The following CSMD1 variants were observed in gnomAD, a reference collection of about 807,000 sequenced individuals.
CSMD1 encodes CUB and Sushi multiple domains 1.
In CSMD1, 213 loss-of-function variants were observed where a neutral mutation model predicts 417.5. That is an observed-to-expected ratio of 0.51 (90% CI 0.46 to 0.57). The LOEUF (loss-of-function observed/expected upper bound fraction) is 0.57. CSMD1 is among the 20% of genes least tolerant of loss of function. The pLI is 0.00. For synonymous variants in CSMD1, 2,862 were observed against 1,736.8 expected (o/e 1.65, Z -16.11); for missense variants, 6,923 against 4,529.7 (o/e 1.53, Z -15.17).
intron 5 of CSMD1, among the ~76,000 whole-genome samples, chr8:3,784,229 A>T (rs1323685200): frequency 6.6e-6 from 1 of 152,212 alleles, no homozygotes; most frequent in African/African-American, 2.4e-5. Context: ...ATTATTTTTT[A>T]AAAGGATGTG....
chr8:3,514,472 C>G (rs1005299536), intron 10 of CSMD1, among the ~76,000 whole-genome samples: 2 of 152,108 alleles, frequency 1.3e-5, no homozygotes, highest in African/African-American at 4.8e-5. Flanking sequence ...ACTGAAGAAC[C>G]CAGGCTTCAA....
chr8:3,361,672 A>AC (rs898975721), intron 20 of CSMD1, among the ~76,000 whole-genome samples: 4 of 144,062 alleles, frequency 2.8e-5, no homozygotes, highest in Admixed American at 1.4e-4. Context: ...AAAAAAAAAA[A>AC]CAAACAAAAA....
intron 2 of CSMD1, among the ~76,000 whole-genome samples, chr8:4,465,024 A>C (rs1316907859): frequency 6.6e-6 from 1 of 152,148 alleles, no homozygotes; most frequent in Admixed American, 6.5e-5. Context: ...AAAGGAAGAA[A>C]ATAGGAAAAA....
At position 4,366,924 on chromosome 8, in the gene CSMD1, C is replaced by T. The variant is rs1584964560; in HGVS notation, c.415+53029G>A. Among the ~76,000 whole-genome samples, 3 of 152,042 alleles carry T rather than the reference C, an allele frequency of 2.0e-5. No individual in the cohort carries two copies. In the East Asian group the frequency reaches 5.8e-4, roughly 29 times the overall value. ...TTTCGTTTGCTGATTTGTCTAAGTT[C>T]CCTACAGATTCTTGATATTACACCT... On this transcript the variant is annotated intron_variant, in intron 3 of 69. Coordinates refer to ENST00000635120, the MANE Select transcript of CSMD1 (RefSeq NM_033225.6).
chr8:4,331,393 A>C (rs1178542080), intron 3 of CSMD1, among the ~76,000 whole-genome samples: 1 of 152,112 alleles, frequency 6.6e-6, no homozygotes, highest in Non-Finnish European at 1.5e-5. Context: ...AGGTGTCTAC[A>C]GTTTTTCATG....
At chr8:4,708,771 T>C (rs956935714) in intron 1 of CSMD1, among the ~76,000 whole-genome samples, 6 of 152,146 alleles carry the variant, frequency 3.9e-5, no homozygotes, top group Non-Finnish European at 8.8e-5. Context: ...CATGGGACTA[T>C]ATTTGGAGAG....
intron 29 of CSMD1, among the ~76,000 whole-genome samples, chr8:3,219,002 C>A (rs28500556): frequency 0.26 from 38,837 of 151,932 alleles, 5,161 homozygotes; most frequent in East Asian, 0.3. Context: ...TTTTACAAAC[C>A]ACAATTTATT....
chr8:4,425,431 G>A (rs1322827599), intron 2 of CSMD1, among the ~76,000 whole-genome samples: 1 of 151,446 alleles, frequency 6.6e-6, no homozygotes, highest in African/African-American at 2.4e-5. Flanking sequence ...GGATGCGGAA[G>A]GATGAGTGGA....
At chr8:3,284,963 G>C (rs902254615) in intron 25 of CSMD1, among the ~76,000 whole-genome samples, 8 of 152,100 alleles carry the variant, frequency 5.3e-5, no homozygotes, top group Non-Finnish European at 1.0e-4. Context: ...ACTTCTATTA[G>C]ACTTCCAGGT....
chr8:4,626,580 G>C (rs756036937), intron 2 of CSMD1, among the ~76,000 whole-genome samples: 27 of 152,068 alleles, frequency 1.8e-4, no homozygotes, highest in Non-Finnish European at 3.2e-4. Context: ...TCAGGGCATG[G>C]AGCCAAGGAA....
intron 10 of CSMD1, among the ~76,000 whole-genome samples, chr8:3,523,871 A>G (rs1797628031): frequency 6.6e-6 from 1 of 150,438 alleles, no homozygotes; most frequent in African/African-American, 2.5e-5. Context: ...ACACACTTAC[A>G]CATGCACACA....
At chr8:3,545,994 G>A (rs1002957762) in intron 10 of CSMD1, among the ~76,000 whole-genome samples, 3 of 152,308 alleles carry the variant, frequency 2.0e-5, no homozygotes, top group East Asian at 3.9e-4. Context: ...TCAACATATT[G>A]ATGAGTCACA....
At chr8:3,800,844 G>C (rs536703828) in intron 5 of CSMD1, among the ~76,000 whole-genome samples, 2 of 151,980 alleles carry the variant, frequency 1.3e-5, no homozygotes, top group African/African-American at 2.4e-5. Context: ...TTTTGACACA[G>C]CACAAAAGCC....
chr8:4,337,820 C>A (rs1399816973), intron 3 of CSMD1, among the ~76,000 whole-genome samples: 1 of 152,056 alleles, frequency 6.6e-6, no homozygotes, highest in Non-Finnish European at 1.5e-5. Context: ...TAGAATAAAT[C>A]AGGTAATTAT....
intron 30 of CSMD1, among the ~76,000 whole-genome samples, chr8:3,214,250 T>C (rs1200309475): frequency 1.3e-5 from 2 of 151,200 alleles, no homozygotes; most frequent in African/African-American, 2.4e-5. Context: ...AAAACAGAAG[T>C]GAAAAATGTA....
chr8:4,825,148 C>A (rs1437588578), intron 1 of CSMD1, among the ~76,000 whole-genome samples: 1 of 152,028 alleles, frequency 6.6e-6, no homozygotes, highest in East Asian at 1.9e-4. Flanking sequence ...CATTTTCTAC[C>A]TGAAGAAGTG....
intron 26 of CSMD1, among the ~76,000 whole-genome samples, chr8:3,256,015 A>T (rs1800623691): frequency 6.6e-6 from 1 of 152,090 alleles, no homozygotes; most frequent in Non-Finnish European, 1.5e-5. Context: ...GCTCCCATCC[A>T]AGTACACATT....
rs75765247 is a variant in CSMD1 at position 4,667,172 on chromosome 8, C to T, written c.86-29614G>A. ...TATTGTTCGGCCACATATATGTAGG[C>T]CTATTTGTGGACTCTATTTTGTTCC... On this transcript the variant is annotated intron_variant, in intron 1 of 69. Coordinates refer to ENST00000635120, the MANE Select transcript of CSMD1 (RefSeq NM_033225.6). 1.2e-4 allele frequency among the ~76,000 whole-genome samples: 18 copies of T among 152,108 alleles called. No homozygotes were observed. In the East Asian group the frequency reaches 3.3e-3, roughly 28 times the overall value.
At chr8:4,756,378 G>A (rs1035226972) in intron 1 of CSMD1, among the ~76,000 whole-genome samples, 1 of 152,066 alleles carries the variant, frequency 6.6e-6, no homozygotes, top group Non-Finnish European at 1.5e-5. Context: ...AGTAACACTT[G>A]GTTTTTTTCT....
Sources: gnomAD v4.1 joint callset for allele counts (sites outside exome capture counted in the v4.1 genomes callset) on GRCh38, gnomAD v4.1.1 for gene constraint, MANE v1.5 for transcripts, NCBI Gene and HGNC (gene_info 2026-07-23, HGNC 2026-07-21) for gene names.